RANBP2: variants seen among roughly 807,000 people sequenced by gnomAD.
RANBP2 encodes RAN binding protein 2.
In RANBP2, 57 loss-of-function variants were observed where a neutral mutation model predicts 303.6. That is an observed-to-expected ratio of 0.19 (90% CI 0.15 to 0.23). The LOEUF is 0.23. Among genes scored for constraint, RANBP2 ranks in the 10% least tolerant of loss-of-function variants. RANBP2 has a pLI of 1.00. For missense variants in RANBP2, 3,138 were observed against 3,780.8 expected (o/e 0.83, Z 4.46); for synonymous variants, 1,167 against 1,301.5 (o/e 0.90, Z 2.23).
the RANBP2 span, among the ~76,000 whole-genome samples, chr2:109,561,941 G>A: frequency 6.6e-6 from 1 of 152,102 alleles, no homozygotes; most frequent in Non-Finnish European, 1.5e-5. Flanking sequence ...TGTATTTTTA[G>A]TAGAGATGGG....
the RANBP2 span, among the ~76,000 whole-genome samples, chr2:109,111,072 T>G: frequency 6.6e-6 from 1 of 152,210 alleles, no homozygotes; most frequent in Non-Finnish European, 1.5e-5. Context: ...CCCTAGCTAG[T>G]GCACAGATGA....
the RANBP2 span, among the ~76,000 whole-genome samples, chr2:109,125,446 C>A: frequency 6.6e-6 from 1 of 152,186 alleles, no homozygotes; most frequent in African/African-American, 2.4e-5. Flanking sequence ...GGACAGACGC[C>A]CTGTGTTCCT....
At chr2:109,718,398 G>A in the RANBP2 span, among the ~76,000 whole-genome samples, 5 of 152,280 alleles carry the variant, frequency 3.3e-5, no homozygotes, top group East Asian at 9.6e-4. Context: ...AAGGAATGAA[G>A]TACTAATACA....
At chr2:109,599,130 G>T in the RANBP2 span, among the ~76,000 whole-genome samples, 1 of 151,970 alleles carries the variant, frequency 6.6e-6, no homozygotes, top group East Asian at 1.9e-4. Context: ...CACACTGCTA[G>T]AAGTGGATGC....
chr2:108,818,573 G>A, the RANBP2 span, among the ~76,000 whole-genome samples: 1 of 152,032 alleles, frequency 6.6e-6, no homozygotes, highest in East Asian at 1.9e-4. Context: ...TATAATAATA[G>A]AAGAGTAAGT....
downstream of RANBP2, among the ~76,000 whole-genome samples, chr2:108,788,445 G>A (rs1226079810): frequency 6.6e-6 from 1 of 151,190 alleles, no homozygotes; most frequent in Non-Finnish European, 1.5e-5. Context: ...TAGGCTGCGC[G>A]CGGTGGCTCA....
the RANBP2 span, among the ~76,000 whole-genome samples, chr2:109,439,615 TTAATG>T: frequency 6.6e-6 from 1 of 152,070 alleles, no homozygotes; most frequent in African/African-American, 2.4e-5. Context: ...TTCTACTTGA[TTAATG>T]TAACTCCTTT....
At chr2:109,388,726 G>T in the RANBP2 span, among the ~76,000 whole-genome samples, 1 of 152,248 alleles carries the variant, frequency 6.6e-6, no homozygotes, top group Non-Finnish European at 1.5e-5. Flanking sequence ...CCCTGCAAGA[G>T]GATGAAGTAG....
chr2:109,488,603 TTTC>T, the RANBP2 span, among the ~76,000 whole-genome samples: 4 of 151,984 alleles, frequency 2.6e-5, no homozygotes, highest in African/African-American at 9.7e-5. Flanking sequence ...CCCCTCACGG[TTTC>T]TTCTTTTCCT....
rs1454325315 is a variant in RANBP2, at chr2:108,765,979, A to G, written c.5440A>G (p.Ile1814Val). ...TGCCTCTAAACCAACTCATAAACCT[A>G]TTGCAGAAGCTCCTTCAGCTTTCAC... The part of the protein sequence containing the change: ...CDASKPTHKP[I>V]AEAPSAFTLG... The change falls in exon 20 of 29, where the codon ATT (isoleucine) becomes GTT (valine). Residue 1814 changes from isoleucine (I) to valine (V), a missense_variant. Ile to Val is a conservative substitution (Grantham distance 29). Transcript: ENST00000283195. 4 of 1,614,156 alleles carry G rather than the reference A, an allele frequency of 2.5e-6. No individual in the cohort carries two copies. The highest frequency in any genetic ancestry group is 1.7e-5 in the Admixed American group (1 of 60,012).
At chr2:109,525,583 A>G in the RANBP2 span, among the ~76,000 whole-genome samples, 9 of 152,334 alleles carry the variant, frequency 5.9e-5, no homozygotes, top group African/African-American at 2.2e-4. Context: ...CACTGCAGCC[A>G]TGAGGAGGTC....
chr2:109,477,808 C>T, the RANBP2 span, among the ~76,000 whole-genome samples: 1 of 152,192 alleles, frequency 6.6e-6, no homozygotes, highest in Non-Finnish European at 1.5e-5. Flanking sequence ...AGGGAGCTCT[C>T]ACGACCCGAT....
the RANBP2 span, among the ~76,000 whole-genome samples, chr2:109,361,615 A>T: frequency 1.3e-5 from 2 of 152,158 alleles, no homozygotes; most frequent in African/African-American, 2.4e-5. Flanking sequence ...CTGGGACTAC[A>T]GGCATACGCC....
At chr2:109,652,689 C>G in the RANBP2 span, among the ~76,000 whole-genome samples, 861 of 152,262 alleles carry the variant, frequency 5.7e-3, 14 homozygotes, top group Non-Finnish European at 6.7e-3. Context: ...GTTACCTACC[C>G]ATCCAGTGTC....
the RANBP2 span, among the ~76,000 whole-genome samples, chr2:109,118,652 G>C: frequency 2.0e-5 from 3 of 151,990 alleles, no homozygotes; most frequent in Non-Finnish European, 4.4e-5. Context: ...ATGCCCTCTT[G>C]TGAGGAGCAA....
chr2:108,767,592 A>G lies in RANBP2; in HGVS notation c.7053A>G (p.Glu2351=), dbSNP rs1305007911. 1 of 1,611,884 alleles carries G rather than the reference A, an allele frequency of 6.2e-7. No homozygotes were observed. Among genetic ancestry groups the G allele is most frequent in the Non-Finnish European group, 8.5e-7 (1 of 1,179,852 alleles). Residue 2351 remains glutamate (E), a synonymous_variant, in exon 20 of 29, where the codon GAA becomes GAG. Coordinates refer to ENST00000283195, the MANE Select transcript of RANBP2 (RefSeq NM_006267.5). ...RYDKDVGQWK[E]RGIGDIKILQ... Reference sequence around the variant, plus strand: ...ATAAAGATGTTGGTCAATGGAAAGAAAGGGGCATTGGTGATATAAAGATTT... The same window carrying G: ...ATAAAGATGTTGGTCAATGGAAAGAGAGGGGCATTGGTGATATAAAGATTT...
the RANBP2 span, among the ~76,000 whole-genome samples, chr2:109,125,112 G>A: frequency 1.3e-5 from 2 of 152,218 alleles, no homozygotes; most frequent in African/African-American, 4.8e-5. Context: ...GGGTTGGCCT[G>A]TTGCCAAGGC....
At chr2:108,885,322 G>T in the RANBP2 span, 1 of 152,120 alleles carries the variant, frequency 6.6e-6, no homozygotes, top group African/African-American at 2.4e-5. Flanking sequence ...AGGCATTTAG[G>T]CTGAGAGAAA....
the RANBP2 span, among the ~76,000 whole-genome samples, chr2:109,698,053 T>A: frequency 6.6e-6 from 1 of 151,814 alleles, no homozygotes; most frequent in Non-Finnish European, 1.5e-5. Context: ...AGAGACAGGG[T>A]TTTGCTATGT....
Sources: allele counts gnomAD v4.1 joint callset (sites outside exome capture counted in the v4.1 genomes callset), GRCh38; gene constraint gnomAD v4.1.1; transcripts MANE v1.5; gene names NCBI Gene and HGNC (gene_info 2026-07-23, HGNC 2026-07-21).